Variants in PDE4D observed in about 807,000 individuals in gnomAD.
PDE4D encodes the protein 3',5'-cyclic-AMP phosphodiesterase 4D.
PDE4D carries 24 observed loss-of-function variants against 87.4 expected under a neutral mutation model. That is an observed-to-expected ratio of 0.27 (90% CI 0.20 to 0.39). The LOEUF (loss-of-function observed/expected upper bound fraction) is 0.39, where lower values mean the gene tolerates loss of function less well. Ranked by LOEUF, PDE4D falls within the 10% of genes least tolerant of loss-of-function variation. PDE4D has a pLI of 1.00. For synonymous variants in PDE4D, 384 were observed against 383.2 expected (o/e 1.00, Z -0.02); for missense variants, 714 against 1,041.0 (o/e 0.69, Z 4.32).
chr5:60,127,138 A>T (rs2149390207), intron 2 of PDE4D, among the ~76,000 whole-genome samples: 1 of 152,296 alleles, frequency 6.6e-6, no homozygotes, highest in Admixed American at 6.5e-5. Flanking sequence ...CAGCATGAGA[A>T]AGTGCCCTGA....
intron 1 of PDE4D, among the ~76,000 whole-genome samples, chr5:60,419,191 G>A (rs1334403783): frequency 1.3e-5 from 2 of 152,100 alleles, no homozygotes; most frequent in Non-Finnish European, 2.9e-5. Context: ...ACCCAAAGTA[G>A]TTCATGAAGC....
chr5:59,762,343 C>CATAGGCGT lies in PDE4D; in HGVS notation c.455+130824_455+130825insACGCCTAT, dbSNP rs2150784808. On this transcript the variant is annotated intron_variant, in intron 1 of 14. Transcript: ENST00000340635. Reference sequence around the variant, plus strand: ...GTACACATATGCGTATATGGGTACACATATGCATATATGTGTATATGGGTA... The same window carrying CATAGGCGT: ...GTACACATATGCGTATATGGGTACACATAGGCGTATATGCATATATGTGTATATGGGTA... Among the ~76,000 whole-genome samples, 2 of 129,274 alleles carry CATAGGCGT rather than the reference C, an allele frequency of 1.5e-5. 1 individual carries two copies. The highest frequency in any genetic ancestry group is 1.5e-4 in the Admixed American group (2 of 13,354). The allele number at this position is 129,274 out of a possible 152,430, so 84.8% of individuals were successfully genotyped here.
At chr5:60,404,929 T>C (rs906951771) in intron 1 of PDE4D, among the ~76,000 whole-genome samples, 2 of 152,210 alleles carry the variant, frequency 1.3e-5, no homozygotes, top group Non-Finnish European at 2.9e-5. Flanking sequence ...AGAGAGATTG[T>C]GGAACCTCTA....
At chr5:59,306,151 T>C (rs559147168) in intron 1 of PDE4D, among the ~76,000 whole-genome samples, 93 of 152,342 alleles carry the variant, frequency 6.1e-4, no homozygotes, top group Non-Finnish European at 1.1e-3. Flanking sequence ...TATCCCTCTT[T>C]GTCTCTTTTA....
At chr5:60,316,247 A>G (rs1755580350) in intron 1 of PDE4D, among the ~76,000 whole-genome samples, 1 of 152,142 alleles carries the variant, frequency 6.6e-6, no homozygotes, top group Admixed American at 6.5e-5. Context: ...CTTTGAAGCA[A>G]TTGTGAATGG....
intron 2 of PDE4D, among the ~76,000 whole-genome samples, chr5:60,139,852 T>G (rs1446753083): frequency 6.6e-6 from 1 of 152,080 alleles, no homozygotes. Flanking sequence ...AACAAGTGAT[T>G]GGGTGTATCA....
intron 5 of PDE4D, among the ~76,000 whole-genome samples, chr5:59,092,552 G>GT (rs1768928664): frequency 7.7e-6 from 1 of 129,988 alleles, no homozygotes; most frequent in East Asian, 4.1e-4. Flanking sequence ...CATGAAAAAT[G>GT]ATTTTGTAAA....
intron 2 of PDE4D, among the ~76,000 whole-genome samples, chr5:59,200,742 CAT>C (rs1441661006): frequency 1.3e-5 from 2 of 149,852 alleles, no homozygotes; most frequent in East Asian, 2.0e-4. Flanking sequence ...TATATATATA[CAT>C]ACACACATAT....
intron 1 of PDE4D, among the ~76,000 whole-genome samples, chr5:59,607,966 C>A (rs1828446303): frequency 1.3e-5 from 2 of 152,050 alleles, no homozygotes; most frequent in South Asian, 4.1e-4. Flanking sequence ...GTTTCCTACA[C>A]AGTGTGGTTT....
At chr5:59,655,417 T>C (rs1419887302) in intron 1 of PDE4D, among the ~76,000 whole-genome samples, 1 of 152,182 alleles carries the variant, frequency 6.6e-6, no homozygotes, top group African/African-American at 2.4e-5. Flanking sequence ...CTTTAGTGTT[T>C]TTTTGTTGTT....
At chr5:59,994,403 CAT>C (rs1763327023) in intron 2 of PDE4D, among the ~76,000 whole-genome samples, 1 of 151,472 alleles carries the variant, frequency 6.6e-6, no homozygotes, top group Non-Finnish European at 1.5e-5. Context: ...TATACATATA[CAT>C]ATATAGGCAT....
intron 2 of PDE4D, among the ~76,000 whole-genome samples, chr5:60,088,145 T>C (rs1774730345): frequency 6.6e-6 from 1 of 150,724 alleles, no homozygotes; most frequent in Non-Finnish European, 1.5e-5. Context: ...AAGAATACTA[T>C]ACCCAGGAAA....
At chr5:59,710,095 A>C (rs1753991659) in intron 1 of PDE4D, among the ~76,000 whole-genome samples, 1 of 152,180 alleles carries the variant, frequency 6.6e-6, no homozygotes, top group Non-Finnish European at 1.5e-5. Flanking sequence ...AATATGCTAC[A>C]AGGATATAAA....
intron 1 of PDE4D, among the ~76,000 whole-genome samples, chr5:59,640,525 G>A (rs1741397980): frequency 6.6e-6 from 1 of 152,120 alleles, no homozygotes; most frequent in Non-Finnish European, 1.5e-5. Context: ...AAGTGCCTTT[G>A]TGCTACAATG....
intron 5 of PDE4D, among the ~76,000 whole-genome samples, chr5:59,053,073 G>A (rs1580536937): frequency 6.6e-6 from 1 of 151,934 alleles, no homozygotes; most frequent in Non-Finnish European, 1.5e-5. Context: ...AGCATAATTA[G>A]CAACAGTATT....
rs1438096985 is a variant in PDE4D, at chr5:59,752,636, T to C, written c.455+140532A>G. ...AAAACTGGCAGTGCTTGGAGACATT[T>C]TGAATTTTCACCTCATGGTGGAAAT... On this transcript the variant is annotated intron_variant, in intron 1 of 14. Coordinates refer to ENST00000340635, the MANE Select transcript of PDE4D (RefSeq NM_001104631.2). Among the ~76,000 whole-genome samples, 5 of 152,236 alleles carry C rather than the reference T, an allele frequency of 3.3e-5. No homozygotes were observed. In the East Asian group the frequency reaches 7.7e-4, roughly 24 times the overall value.
At chr5:59,295,501 C>T (rs1175503719) in intron 1 of PDE4D, among the ~76,000 whole-genome samples, 2 of 152,122 alleles carry the variant, frequency 1.3e-5, no homozygotes, top group Non-Finnish European at 2.9e-5. Flanking sequence ...ATCCAGGTAG[C>T]TCTTCAGGTG....
intron 2 of PDE4D, among the ~76,000 whole-genome samples, chr5:60,164,823 A>G (rs986627517): frequency 6.6e-6 from 1 of 152,214 alleles, no homozygotes. Flanking sequence ...GTTTTGAAGT[A>G]TTCTACATTG....
At chr5:59,870,097 T>C (rs1235203707) in intron 1 of PDE4D, among the ~76,000 whole-genome samples, 1 of 152,250 alleles carries the variant, frequency 6.6e-6, no homozygotes, top group African/African-American at 2.4e-5. Context: ...AAGTCTCATG[T>C]GGTAAAAAAC....
Sources: gnomAD v4.1 joint callset for allele counts (sites outside exome capture counted in the v4.1 genomes callset) on GRCh38, gnomAD v4.1.1 for gene constraint, MANE v1.5 for transcripts, NCBI Gene and HGNC (gene_info 2026-07-23, HGNC 2026-07-21) for gene names.